Variants in RNF43 observed in about 807,000 individuals in gnomAD.
RNF43 encodes ring finger protein 43, also known as E3 ubiquitin-protein ligase RNF43.
Under a neutral mutation model 78.4 loss-of-function variants are expected in RNF43, and 37 were observed. The observed-to-expected ratio is 0.47, with a 90% CI of 0.36 to 0.62. The LOEUF is 0.62. RNF43 is among the 20% of genes least tolerant of loss of function. The pLI is 0.00. For synonymous variants in RNF43, 347 were observed against 395.0 expected, an observed-to-expected ratio of 0.88 and a Z score of 1.44; for missense variants, 774 against 1,007.9, an observed-to-expected ratio of 0.77 and a Z score of 3.14.
At chr17:58,392,664 A>G (rs774986630) in intron 2 of RNF43, among the ~76,000 whole-genome samples, 2 of 152,252 alleles carry the variant, frequency 1.3e-5, no homozygotes, top group Admixed American at 6.5e-5. Context: ...TGTAGAGGAC[A>G]GCATATAACT....
intron 2 of RNF43, among the ~76,000 whole-genome samples, chr17:58,398,820 T>G (rs1311561766): frequency 6.6e-6 from 1 of 152,256 alleles, no homozygotes; most frequent in Non-Finnish European, 1.5e-5. Flanking sequence ...TTTTTAATGA[T>G]AATAACAGTG....
chr17:58,367,395 T>C (rs1972980337), intron 3 of RNF43, among the ~76,000 whole-genome samples: 1 of 152,180 alleles, frequency 6.6e-6, no homozygotes, highest in South Asian at 2.1e-4. Flanking sequence ...AGCCCCACTT[T>C]TGAGGTGGGA....
Position 58,358,744 on chromosome 17 carries a change from C to G in RNF43, c.1032G>C (p.Gln344His), listed in dbSNP as rs751977513. ...EPGRRLHLIR[Q>H]HPGHAHYHLP... ...GGTGGTAGTGGGCATGGCCGGGATG[C>G]TGGCGAATGAGGTGGAGTCTTCGAC... Residue 344 changes from glutamine to histidine, a missense_variant, in exon 9 of 10, where the codon CAG (glutamine) becomes CAC (histidine). Transcript: ENST00000407977. The surrounding 1 kb of genome is among the most constrained non-coding windows in gnomAD (Gnocchi z 6.2). The G allele has an allele frequency of 6.4e-7, 1 of 1,561,124 alleles. No homozygotes were observed. The highest frequency in any genetic ancestry group is 1.9e-5 in the Admixed American group (1 of 53,416).
chr17:58,415,821 C>T lies in RNF43; in HGVS notation c.-244G>A. 1 of 558,316 alleles carries T rather than the reference C, an allele frequency of 1.8e-6. No individual in the cohort carries two copies. The highest frequency in any genetic ancestry group is 3.0e-5 in the East Asian group (1 of 33,788). The allele number at this position is 558,316 out of a possible 1,614,324, so 34.6% of individuals were successfully genotyped here. A position where few individuals can be genotyped will look rare whatever the true frequency, so the allele number is the denominator to read the frequency against. Reference sequence around the variant, plus strand: ...TCTGCTGCAGGTATGTCATTTTCTCCCATCTTCACTGTGACTAGTAAAGAT... The same window carrying T: ...TCTGCTGCAGGTATGTCATTTTCTCTCATCTTCACTGTGACTAGTAAAGAT... On this transcript the variant is annotated 5_prime_UTR_variant, in exon 2 of 10. Transcript: ENST00000407977.
chr17:58,362,706 G>A (rs1972864073), intron 5 of RNF43, 58 bp from the exon 6 acceptor site: 10 of 1,382,722 alleles, frequency 7.2e-6, no homozygotes, highest in South Asian at 5.1e-5. Context: ...GGGTCAATTC[G>A]GGAGGAAACA....
intron 2 of RNF43, 30 bp from the exon 3 acceptor site, chr17:58,371,063 A>T (rs2143517016): frequency 6.5e-7 from 1 of 1,534,920 alleles, no homozygotes; most frequent in Non-Finnish European, 8.8e-7. Context: ...TGGGTTAGGG[A>T]GGCTTTAGGC....
chr17:58,391,496 G>C (rs972616468), intron 2 of RNF43, among the ~76,000 whole-genome samples: 1 of 152,186 alleles, frequency 6.6e-6, no homozygotes, highest in Non-Finnish European at 1.5e-5. Context: ...TTTGGTGGCT[G>C]TGCACAGAGT....
intron 2 of RNF43, among the ~76,000 whole-genome samples, chr17:58,391,375 C>T (rs1973556004): frequency 6.6e-6 from 1 of 152,212 alleles, no homozygotes; most frequent in African/African-American, 2.4e-5. Flanking sequence ...CCAGCATCAG[C>T]CAGGTGCAGA....
At chr17:58,380,763 G>A (rs1254032658) in intron 2 of RNF43, among the ~76,000 whole-genome samples, 2 of 152,182 alleles carry the variant, frequency 1.3e-5, no homozygotes, top group African/African-American at 4.8e-5. Flanking sequence ...GTGCAAGAGT[G>A]CGAAATAGCT....
rs761114876 is a variant in RNF43, at chr17:58,360,933, C to T, written c.699G>A (p.Gln233=). The T allele has an allele frequency of 1.3e-6, 2 of 1,581,600 alleles. No homozygotes were observed. Among genetic ancestry groups the T allele is most frequent in the South Asian group, 1.1e-5 (1 of 87,326 alleles). Reference sequence around the variant, plus strand: ...GGCTGATGGCCCAGGCTGTTCTCTGCTGAAGCGGATCCTGGGAAGAGGAAT... The same window carrying T: ...GGCTGATGGCCCAGGCTGTTCTCTGTTGAAGCGGATCCTGGGAAGAGGAAT... The part of the protein sequence containing the change: ...RPRHSRPDPL[Q]QRTAWAISQL... The change falls in exon 7 of 10, where the codon CAG becomes CAA. Residue 233 remains glutamine (Q), a synonymous_variant. Transcript: ENST00000407977. The surrounding 1 kb of genome is among the most constrained non-coding windows in gnomAD (Gnocchi z 4.3).
intron 2 of RNF43, among the ~76,000 whole-genome samples, chr17:58,407,649 C>T (rs946676405): frequency 1.1e-4 from 17 of 151,928 alleles, no homozygotes; most frequent in Non-Finnish European, 2.2e-4. Context: ...CAAGCAACAA[C>T]AAATCTTGGC....
chr17:58,362,564 G>A lies in RNF43; in HGVS notation c.667C>T (p.Arg223Cys), dbSNP rs755478993. ...ILASVLRIRC[R>C]PRHSRPDPLQ... ...CTCACCGGCCTGCTGTGGCGGGGGC[G>A]GCACCGGATGCGCAGCACCGAAGCC... Residue 223 changes from arginine (R) to cysteine (C), a missense_variant, in exon 6 of 10, where the codon CGC (arginine) becomes TGC (cysteine). Physicochemically the swap from Arg to Cys is radical, Grantham distance 180 (BLOSUM62 -3). Transcript: ENST00000407977. The A allele has an allele frequency of 1.1e-4, 183 of 1,607,156 alleles. No homozygotes were observed. The highest frequency in any genetic ancestry group is 2.0e-4 in the East Asian group (9 of 44,576).
chr17:58,363,099 G>T, intron 5 of RNF43, 176 bp downstream of exon 5: 1 of 688,546 alleles, frequency 1.5e-6, no homozygotes, highest in Non-Finnish European at 2.4e-6. Context: ...TTCTGTAGGT[G>T]AGGCCCAAAG....
At position 58,358,766 on chromosome 17, in the gene RNF43, C is replaced by T. The variant is rs138844366; in HGVS notation, c.1010G>A (p.Arg337Gln). Reference protein sequence around the residue: ...GPSRSYQEPGRRLHLIRQHPG... With the variant: ...GPSRSYQEPGQRLHLIRQHPG... ...ATGCTGGCGAATGAGGTGGAGTCTTCGACCTGGTTCTTGGTAAGATCGAGA... is the reference window on the plus strand; with the variant it reads ...ATGCTGGCGAATGAGGTGGAGTCTTTGACCTGGTTCTTGGTAAGATCGAGA... The change falls in exon 9 of 10, where the codon CGA becomes CAA. Residue 337 changes from arginine (R) to glutamine (Q), a missense_variant. Coordinates refer to ENST00000407977, the MANE Select transcript of RNF43 (RefSeq NM_017763.6). The surrounding 1 kb of genome is among the most constrained non-coding windows in gnomAD (Gnocchi z 6.2). 2.6e-3 allele frequency: 4,049 copies of T among 1,559,168 alleles called. 9 individuals carry two copies. Among genetic ancestry groups the T allele is most frequent in the Non-Finnish European group, 2.7e-3 (3,125 of 1,150,146 alleles).
intron 2 of RNF43, among the ~76,000 whole-genome samples, chr17:58,375,097 C>T (rs1393476593): frequency 6.6e-6 from 1 of 152,158 alleles, no homozygotes; most frequent in Non-Finnish European, 1.5e-5. Flanking sequence ...TTCTCACTAT[C>T]GCTATTGTAA....
intron 3 of RNF43, among the ~76,000 whole-genome samples, chr17:58,365,205 AC>A (rs1972925486): frequency 6.6e-6 from 1 of 152,086 alleles, no homozygotes; most frequent in Non-Finnish European, 1.5e-5. Flanking sequence ...AATCTTCAGA[AC>A]CCTCCTAACA....
chr17:58,356,017 T>A (rs546914431), intron 9 of RNF43, among the ~76,000 whole-genome samples: 1 of 152,338 alleles, frequency 6.6e-6, no homozygotes, highest in African/African-American at 2.4e-5. Context: ...AAACTAGTTC[T>A]GAGTTTGAGA....
At position 58,358,749 on chromosome 17, in the gene RNF43, G is replaced by T; in HGVS notation, c.1027C>A (p.Arg343Ser). The change falls in exon 9 of 10, where the codon CGC becomes AGC. Residue 343 changes from arginine (R) to serine (S), a missense_variant. Transcript: ENST00000407977. The surrounding 1 kb of genome is among the most constrained non-coding windows in gnomAD (Gnocchi z 6.2). ...QEPGRRLHLI[R>S]QHPGHAHYHL... ...TAGTGGGCATGGCCGGGATGCTGGC[G>T]AATGAGGTGGAGTCTTCGACCTGGT... 1 of 1,560,924 alleles carries T rather than the reference G, an allele frequency of 6.4e-7. No homozygotes were observed. Among genetic ancestry groups the T allele is most frequent in the East Asian group, 2.4e-5 (1 of 42,178 alleles).
chr17:58,360,259 A>C lies in RNF43; in HGVS notation c.850-8T>G. 6.2e-7 allele frequency: 1 copy of C among 1,609,916 alleles called. No homozygotes were observed. On this transcript the variant is annotated splice_region_variant and splice_polypyrimidine_tract_variant and intron_variant, in intron 7 of 9. Transcript: ENST00000407977. This position sits in a 1 kb window ranked among gnomAD's most constrained non-coding sequence, Gnocchi z 4.3. The stretch of plus-strand genomic sequence containing the variant: ...GGAAATGACCCGTAGCTCCTGGAGA[A>C]AAAGAGGGGGTCCAAACCAAAGGCT...
Sources: gnomAD v4.1 joint callset for allele counts (sites outside exome capture counted in the v4.1 genomes callset) on GRCh38, gnomAD v4.1.1 for gene constraint, Gnocchi (gnomAD v3.1) non-coding constraint, MANE v1.5 for transcripts, NCBI Gene and HGNC (gene_info 2026-07-23, HGNC 2026-07-21) for gene names.